ANXA11: variants seen among roughly 807,000 people sequenced by gnomAD.
ANXA11 encodes annexin A11, also known as 56 kDa autoantigen.
ANXA11 carries 57 observed loss-of-function variants against 64.7 expected under a neutral mutation model. The observed-to-expected ratio is 0.88, with a 90% CI of 0.71 to 1.10. The LOEUF (loss-of-function observed/expected upper bound fraction) is 1.10, where lower values mean the gene tolerates loss of function less well. Ranked by LOEUF, ANXA11 falls within the 50% of genes least tolerant of loss-of-function variation. ANXA11 has a pLI of 0.00. For synonymous variants in ANXA11, 260 were observed against 265.2 expected, an observed-to-expected ratio of 0.98 and a Z score of 0.19; for missense variants, 675 against 670.7, an observed-to-expected ratio of 1.01 and a Z score of -0.07.
chr10:80,170,540 C>T (rs1220761540), intron 4 of ANXA11, among the ~76,000 whole-genome samples: 1 of 152,224 alleles, frequency 6.6e-6, no homozygotes, highest in Admixed American at 6.5e-5. Context: ...ACCCTAACCC[C>T]TCAGGGCTGA....
chr10:80,171,234 G>A lies in ANXA11; in HGVS notation c.56-319C>T, dbSNP rs188213562. 194 of 1,223,176 alleles carry A rather than the reference G, an allele frequency of 1.6e-4. No homozygotes were observed. In the East Asian group the frequency reaches 8.6e-3, roughly 54 times the overall value. 75.8% of individuals were successfully genotyped at this position (1,223,176 alleles called of 1,614,324 possible). On this transcript the variant is annotated intron_variant, in intron 3 of 15. Transcript: ENST00000422982. ...CTCCCAAGTTCACCATCATGGAGCA[G>A]GAGGACAGACAAGGACAGACTGTTG... is the stretch of plus-strand genomic sequence containing the variant.
intron 12 of ANXA11, among the ~76,000 whole-genome samples, chr10:80,160,408 G>C (rs1186202575): frequency 6.6e-6 from 1 of 152,192 alleles, no homozygotes; most frequent in African/African-American, 2.4e-5. Context: ...CTACCACCCT[G>C]TGCCTGCTTT....
intron 2 of ANXA11, among the ~76,000 whole-genome samples, chr10:80,174,121 C>G (rs895443959): frequency 6.6e-5 from 10 of 152,316 alleles, no homozygotes; most frequent in African/African-American, 2.4e-4. Context: ...CTGGCACAAT[C>G]ATGGCTCACT....
intron 1 of ANXA11, among the ~76,000 whole-genome samples, chr10:80,194,541 G>T (rs1411141482): frequency 1.3e-5 from 2 of 152,006 alleles, no homozygotes; most frequent in African/African-American, 2.4e-5. Context: ...GGAAGACAAA[G>T]AATTCAGAAA....
chr10:80,153,964 G>A lies in ANXA11; in HGVS notation c.*1889C>T, dbSNP rs1276753375. 6.6e-6 allele frequency: 1 copy of A among 152,212 alleles called. No homozygotes were observed. The highest frequency in any genetic ancestry group is 2.4e-5 in the African/African-American group (1 of 41,418). 9.4% of individuals were successfully genotyped at this position (152,212 alleles called of 1,614,324 possible). A position where few individuals can be genotyped will look rare whatever the true frequency, so the allele number is the denominator to read the frequency against. ...TTGTTTTTTTCTCATTTGAGACAAG[G>A]TCTCGCTCTGTTGTCCAGGCTGGAG... On this transcript the variant is annotated 3_prime_UTR_variant, in exon 16 of 16. Coordinates refer to ENST00000422982, the MANE Select transcript of ANXA11 (RefSeq NM_145868.2).
intron 1 of ANXA11, among the ~76,000 whole-genome samples, chr10:80,178,213 C>CTT (rs1269778426): frequency 2.1e-5 from 2 of 97,140 alleles, no homozygotes; most frequent in African/African-American, 7.6e-5. Flanking sequence ...AAGATCTGCT[C>CTT]TCTCTCTCTC....
At chr10:80,160,980 C>T (rs1845480501) in intron 12 of ANXA11, among the ~76,000 whole-genome samples, 1 of 152,168 alleles carries the variant, frequency 6.6e-6, no homozygotes. Context: ...TCACCACAAG[C>T]CCCTATTACC....
At chr10:80,173,832 G>A (rs909894173) in intron 2 of ANXA11, among the ~76,000 whole-genome samples, 28 of 152,098 alleles carry the variant, frequency 1.8e-4, no homozygotes, top group Admixed American at 9.2e-4. Flanking sequence ...TGGGTTTCAC[G>A]CTGCAATGCA....
Position 80,164,033 on chromosome 10 carries a change from G to A in ANXA11, c.949+20C>T. 6.2e-7 allele frequency: 1 copy of A among 1,606,902 alleles called. No homozygotes were observed. The highest frequency in any genetic ancestry group is 8.5e-7 in the Non-Finnish European group (1 of 1,173,862). On this transcript the variant is annotated intron_variant, in intron 9 of 15. Transcript: ENST00000422982. ...GATCTGCAGAGGGCAGAGGGCAGAGGGCAGAGGGAGCGGCCTCACCTGCTT... is the reference window on the plus strand; with the variant it reads ...GATCTGCAGAGGGCAGAGGGCAGAGAGCAGAGGGAGCGGCCTCACCTGCTT...
At chr10:80,161,793 A>T in intron 12 of ANXA11, 142 bp downstream of exon 12, 1 of 663,730 alleles carries the variant, frequency 1.5e-6, no homozygotes, top group Non-Finnish European at 2.6e-6. Flanking sequence ...AGTGTCTTTT[A>T]AATTCCCACC....
At chr10:80,158,483 A>G (rs1403815169) in intron 13 of ANXA11, among the ~76,000 whole-genome samples, 1 of 152,180 alleles carries the variant, frequency 6.6e-6, no homozygotes, top group East Asian at 1.9e-4. Flanking sequence ...CAGGGAAATG[A>G]GGATTTTCCA....
In ANXA11 at chr10:80,161,929, C is replaced by T. The variant is rs746813362; in HGVS notation, c.1180+6G>A. ...CTGGCCTCTGAGGGACCCCAGCCTG[C>T]CTTACCTGCTACCAGGTGGGCCCGG... On this transcript the variant is annotated splice_donor_region_variant and intron_variant, in intron 12 of 15. Transcript: ENST00000422982. 1 of 1,610,406 alleles carries T rather than the reference C, an allele frequency of 6.2e-7. No homozygotes were observed. Among genetic ancestry groups the T allele is most frequent in the South Asian group, 1.1e-5 (1 of 91,020 alleles).
In ANXA11 at chr10:80,166,921, A is replaced by T. The variant is rs757566050; in HGVS notation, c.713T>A (p.Ile238Asn). The T allele has an allele frequency of 8.1e-6, 13 of 1,609,012 alleles. No individual in the cohort carries two copies. The Admixed American group carries it at 1.3e-4, about 17-fold the overall frequency. The change falls in exon 7 of 16, where the codon ATC becomes AAC. Residue 238 changes from isoleucine (I) to asparagine (N), a missense_variant. Ile to Asn is a moderately radical substitution (Grantham distance 149, BLOSUM62 -3). Transcript: ENST00000422982. ...GSRSNKQRQQ[I>N]LLSFKTAYGK... Reference sequence around the variant, plus strand: ...GTAAGCCGTCTTGAAGGAAAGTAGGATCTGCTGCCGCTGCTTGTTGGAGCG... The same window carrying T: ...GTAAGCCGTCTTGAAGGAAAGTAGGTTCTGCTGCCGCTGCTTGTTGGAGCG...
chr10:80,166,237 A>AC, intron 7 of ANXA11, 40 bp from the exon 8 acceptor site: 1 of 1,207,266 alleles, frequency 8.3e-7, no homozygotes, highest in Admixed American at 2.0e-5. Flanking sequence ...AAAAAAAAAA[A>AC]CAAGTCTATT....
In ANXA11 at chr10:80,162,017, C is replaced by T. The variant is rs141456938; in HGVS notation, c.1098G>A (p.Ala366=). ...CTGTTCCCAGGCGGTTCTCCCCGGC[C>T]GCATACAGCTCCTGGAGAGAGAGGA... is the stretch of plus-strand genomic sequence containing the variant. ...LAQRDAQELY[A]AGENRLGTDE... Residue 366 remains alanine, a synonymous_variant, in exon 12 of 16, where the codon GCG becomes GCA. Transcript: ENST00000422982. 61 of 1,611,024 alleles carry T rather than the reference C, an allele frequency of 3.8e-5. No individual in the cohort carries two copies. The highest frequency in any genetic ancestry group is 1.6e-4 in the Middle Eastern group (1 of 6,082).
intron 1 of ANXA11, among the ~76,000 whole-genome samples, chr10:80,179,834 T>C (rs755499203): frequency 3.3e-5 from 5 of 152,240 alleles, no homozygotes; most frequent in Non-Finnish European, 7.3e-5. Flanking sequence ...CCATCCAGCC[T>C]GCTGCCACTG....
intron 1 of ANXA11, among the ~76,000 whole-genome samples, chr10:80,196,130 A>G (rs755843077): frequency 7.9e-5 from 12 of 152,188 alleles, no homozygotes; most frequent in Non-Finnish European, 1.8e-4. Context: ...AGATACATAT[A>G]TTACATCCCT....
chr10:80,184,299 T>A (rs533260546), intron 1 of ANXA11, among the ~76,000 whole-genome samples: 1 of 152,200 alleles, frequency 6.6e-6, no homozygotes, highest in Non-Finnish European at 1.5e-5. Flanking sequence ...CATCATGAGT[T>A]GAAAATGCAT....
At chr10:80,184,777 C>T (rs1790906576) in intron 1 of ANXA11, among the ~76,000 whole-genome samples, 1 of 152,160 alleles carries the variant, frequency 6.6e-6, no homozygotes, top group Non-Finnish European at 1.5e-5. Flanking sequence ...CTTCCAGGAC[C>T]ACTGAGCTCT....
Sources: allele counts gnomAD v4.1 joint callset (sites outside exome capture counted in the v4.1 genomes callset), GRCh38; gene constraint gnomAD v4.1.1; transcripts MANE v1.5; gene names NCBI Gene and HGNC (gene_info 2026-07-23, HGNC 2026-07-21).